Variants in ANKRD30BL observed in about 807,000 individuals in gnomAD.
The protein encoded by ANKRD30BL is putative ankyrin repeat domain-containing protein 30B-like.
Under a neutral mutation model 18.4 loss-of-function variants are expected in ANKRD30BL, and 20 were observed. The observed-to-expected ratio is 1.09, with a 90% CI of 0.77 to 1.58. The LOEUF is 1.58. Ranked by LOEUF, ANKRD30BL falls within the 40% of genes most tolerant of loss-of-function variation. ANKRD30BL has a pLI of 0.00. For synonymous variants in ANKRD30BL, 72 were observed against 100.9 expected (o/e 0.71, Z 1.72); for missense variants, 224 against 268.6 (o/e 0.83, Z 1.16).
intron 1 of ANKRD30BL, among the ~76,000 whole-genome samples, chr2:132,249,596 A>C (rs1045015997): frequency 2.0e-5 from 3 of 150,858 alleles, no homozygotes; most frequent in African/African-American, 7.3e-5. Flanking sequence ...TGTACACATC[A>C]AAAAAAAAGT....
At chr2:132,191,830 C>T (rs1001184645) in intron 1 of ANKRD30BL, among the ~76,000 whole-genome samples, 6 of 150,962 alleles carry the variant, frequency 4.0e-5, no homozygotes, top group Admixed American at 4.0e-4. Flanking sequence ...CAAGCTCTGC[C>T]TCCTGGGTTC....
At chr2:132,179,191 G>A (rs1688415411) in intron 1 of ANKRD30BL, among the ~76,000 whole-genome samples, 1 of 152,048 alleles carries the variant, frequency 6.6e-6, no homozygotes. Context: ...TGTGCTGCCA[G>A]GCCTCTAGCA....
chr2:132,202,675 ATATG>A (rs1679131384), intron 1 of ANKRD30BL, among the ~76,000 whole-genome samples: 1 of 152,286 alleles, frequency 6.6e-6, no homozygotes, highest in African/African-American at 2.4e-5. Context: ...TATTACCTCC[ATATG>A]TATGTATGTA....
At chr2:132,238,697 T>C (rs1295151964) in intron 1 of ANKRD30BL, among the ~76,000 whole-genome samples, 1 of 152,048 alleles carries the variant, frequency 6.6e-6, no homozygotes, top group Non-Finnish European at 1.5e-5. Context: ...GAACCTTTCT[T>C]TTGATAGAGC....
At chr2:132,187,209 TG>T (rs1688581314) in intron 1 of ANKRD30BL, among the ~76,000 whole-genome samples, 2 of 143,214 alleles carry the variant, frequency 1.4e-5, no homozygotes, top group African/African-American at 5.4e-5. Flanking sequence ...TTTTTTTTTT[TG>T]AGAGACAGAG....
At chr2:132,202,696 T>C (rs1679131905) in intron 1 of ANKRD30BL, among the ~76,000 whole-genome samples, 1 of 152,228 alleles carries the variant, frequency 6.6e-6, no homozygotes, top group Non-Finnish European at 1.5e-5. Context: ...TGTACACATG[T>C]ACACATATAT....
intron 1 of ANKRD30BL, chr2:132,257,132 A>G (rs920296658): frequency 6.5e-6 from 3 of 464,648 alleles, no homozygotes; most frequent in Non-Finnish European, 1.3e-5. Context: ...CCCCGAGGTG[A>G]CCTCAGCCAC....
In ANKRD30BL at chr2:132,186,946, C is replaced by A. The variant is rs6738572; in HGVS notation, n.442-29800G>T. Reference sequence around the variant, plus strand: ...TGTTCATTTACCCAACATTTTTCTTCTTTTTATATGTGCCAGGTTGAAAAT... The same window carrying A: ...TGTTCATTTACCCAACATTTTTCTTATTTTTATATGTGCCAGGTTGAAAAT... On this transcript the variant is annotated intron_variant and non_coding_transcript_variant, in intron 1 of 4. Coordinates refer to the ANKRD30BL transcript ENST00000470729. 3.2e-3 allele frequency among the ~76,000 whole-genome samples: 481 copies of A among 151,980 alleles called. 4 individuals are homozygous for A. The highest frequency in any genetic ancestry group is 0.011 in the African/African-American group (458 of 41,458).
In ANKRD30BL at chr2:132,161,871, TG is replaced by T. The variant is rs1688076574; in HGVS notation, c.-167del. 1.7e-6 allele frequency: 1 copy of T among 588,328 alleles called. No individual in the cohort carries two copies. The highest frequency in any genetic ancestry group is 2.9e-5 in the East Asian group (1 of 34,622). 36.4% of individuals were successfully genotyped at this position (588,328 alleles called of 1,614,324 possible). ...CACTCCAACCTCTCCCGGGAGAAAA[TG>T]GCTGCGCAAAACCGTTAGGCAGCTG... On this transcript the variant is annotated 5_prime_UTR_variant, in exon 1 of 6. Transcript: ENST00000409867.
At chr2:132,242,450 T>C (rs1680364415) in intron 1 of ANKRD30BL, among the ~76,000 whole-genome samples, 2 of 151,872 alleles carry the variant, frequency 1.3e-5, no homozygotes, top group Non-Finnish European at 2.9e-5. Context: ...AACATTCCCT[T>C]TCATAGAGCA....
At chr2:132,197,936 A>G (rs1678998291) in intron 1 of ANKRD30BL, among the ~76,000 whole-genome samples, 1 of 151,950 alleles carries the variant, frequency 6.6e-6, no homozygotes, top group South Asian at 2.1e-4. Flanking sequence ...ATATTTAAAT[A>G]AAGCTATTTA....
At chr2:132,208,780 C>G (rs1679260816) in intron 1 of ANKRD30BL, among the ~76,000 whole-genome samples, 1 of 151,414 alleles carries the variant, frequency 6.6e-6, no homozygotes. Flanking sequence ...GAGTGTTTGT[C>G]CCTCACACAG....
At chr2:132,157,655 G>A (rs767914669) in intron 1 of ANKRD30BL, among the ~76,000 whole-genome samples, 15 of 152,034 alleles carry the variant, frequency 9.9e-5, no homozygotes, top group Non-Finnish European at 1.5e-4. Flanking sequence ...GTTCAACTTG[G>A]GCTTGAATAT....
intron 1 of ANKRD30BL, among the ~76,000 whole-genome samples, chr2:132,205,678 A>G (rs1243009829): frequency 6.6e-6 from 1 of 151,952 alleles, no homozygotes; most frequent in Non-Finnish European, 1.5e-5. Context: ...CATGGGGCCA[A>G]CATTGAGTGG....
chr2:132,235,031 T>C (rs199596891), intron 1 of ANKRD30BL, among the ~76,000 whole-genome samples: 1 of 152,074 alleles, frequency 6.6e-6, no homozygotes. Flanking sequence ...GCTGGTTCAA[T>C]ATACGCAAAT....
At chr2:132,223,873 T>C (rs1485011380) in intron 1 of ANKRD30BL, among the ~76,000 whole-genome samples, 2 of 152,106 alleles carry the variant, frequency 1.3e-5, no homozygotes, top group African/African-American at 4.8e-5. Flanking sequence ...GAAAATACTT[T>C]ATCATAGAGC....
intron 1 of ANKRD30BL, among the ~76,000 whole-genome samples, chr2:132,233,957 G>C (rs914255488): frequency 6.6e-6 from 1 of 152,076 alleles, no homozygotes; most frequent in African/African-American, 2.4e-5. Flanking sequence ...CTCAGCAAAT[G>C]TAAAAGAACA....
chr2:132,187,184 GTTTGTTTTTT>G (rs1458355660), intron 1 of ANKRD30BL, among the ~76,000 whole-genome samples: 44 of 105,356 alleles, frequency 4.2e-4, no homozygotes, highest in Non-Finnish European at 7.4e-4. Context: ...TTTTTTTTTT[GTTTGTTTTTT>G]TTTTTTTTTT....
chr2:132,255,889 G>A (rs897932105), intron 1 of ANKRD30BL, among the ~76,000 whole-genome samples: 8 of 152,116 alleles, frequency 5.3e-5, no homozygotes, highest in African/African-American at 1.4e-4. Context: ...CGATTGGCCC[G>A]AGGTTATCCA....
Sources: gnomAD v4.1 joint callset for allele counts (sites outside exome capture counted in the v4.1 genomes callset) on GRCh38, gnomAD v4.1.1 for gene constraint, MANE v1.5 for transcripts, NCBI Gene and HGNC (gene_info 2026-07-23, HGNC 2026-07-21) for gene names.